RORA: variants seen among roughly 807,000 people sequenced by gnomAD.
The protein encoded by RORA is nuclear receptor ROR-alpha.
In RORA, 7 loss-of-function variants were observed where a neutral mutation model predicts 69.5. The ratio of observed to expected loss-of-function variants is 0.10; its 90% CI spans 0.06 to 0.19. The LOEUF (loss-of-function observed/expected upper bound fraction) is 0.19. Ranked by LOEUF, RORA falls within the 10% of genes least tolerant of loss-of-function variation. RORA has a pLI of 1.00. For synonymous variants in RORA, 261 were observed against 240.8 expected (o/e 1.08, Z -0.78); for missense variants, 457 against 663.0 (o/e 0.69, Z 3.41).
intron 1 of RORA, among the ~76,000 whole-genome samples, chr15:61,199,850 C>T (rs1044063979): frequency 6.6e-6 from 1 of 152,202 alleles, no homozygotes; most frequent in African/African-American, 2.4e-5. Flanking sequence ...ATTCCCCAGG[C>T]TTGTAAAACA....
rs2065040259 is a variant in RORA, at chr15:60,491,484, C to T, written c.*5971G>A. The T allele has an allele frequency of 6.6e-6, 1 of 152,086 alleles. No individual in the cohort carries two copies. Among genetic ancestry groups the T allele is most frequent in the African/African-American group, 2.4e-5 (1 of 41,418 alleles). The allele number at this position is 152,086 out of a possible 1,614,324, so 9.4% of individuals were successfully genotyped here. ...TCATATTCACTTTCTCAATATAAGA[C>T]TCCATGTTATGTTGCATCACTGACA... On this transcript the variant is annotated 3_prime_UTR_variant, in exon 11 of 11. Coordinates refer to ENST00000335670, the MANE Select transcript of RORA (RefSeq NM_134261.3).
At chr15:61,178,523 C>CT (rs1164506490) in intron 1 of RORA, among the ~76,000 whole-genome samples, 11 of 151,956 alleles carry the variant, frequency 7.2e-5, no homozygotes, top group African/African-American at 2.2e-4. Context: ...ACAGCCATTT[C>CT]TTTCAAGGAT....
intron 10 of RORA, 92 bp from the exon 11 acceptor site, chr15:60,497,711 T>A (rs1472477348): frequency 1.9e-6 from 2 of 1,070,318 alleles, no homozygotes; most frequent in African/African-American, 3.1e-5. Context: ...ACATTGTTTA[T>A]AATGGTGAAA....
chr15:60,929,784 G>A (rs1420747639), intron 1 of RORA, among the ~76,000 whole-genome samples: 3 of 152,098 alleles, frequency 2.0e-5, no homozygotes, highest in Non-Finnish European at 4.4e-5. Flanking sequence ...AGCCATCTGG[G>A]AGTGCTTGCT....
At chr15:61,086,611 T>C (rs4774387) in intron 1 of RORA, among the ~76,000 whole-genome samples, 23,409 of 152,026 alleles carry the variant, frequency 0.15, 2,496 homozygotes, top group African/African-American at 0.28. Flanking sequence ...AACTTAAAAT[T>C]TGATTTGGCC....
intron 1 of RORA, among the ~76,000 whole-genome samples, chr15:60,903,158 C>T (rs1891438289): frequency 6.6e-6 from 1 of 152,116 alleles, no homozygotes. Flanking sequence ...CAACCACAGG[C>T]TTGAAATTTA....
chr15:61,047,062 C>T (rs782947), intron 1 of RORA, among the ~76,000 whole-genome samples: 131,080 of 152,278 alleles, frequency 0.86, 56,630 homozygotes, highest in East Asian at 1. Context: ...AGCCGTTCCA[C>T]AGCCACCTCT....
intron 1 of RORA, among the ~76,000 whole-genome samples, chr15:60,812,949 G>A (rs1294155964): frequency 6.6e-6 from 1 of 152,194 alleles, no homozygotes; most frequent in Non-Finnish European, 1.5e-5. Flanking sequence ...CAAGGCAACG[G>A]GACTGTGCTG....
At chr15:60,590,170 C>CCTCTCTCTCTCTCT (rs1426237027) in intron 2 of RORA, among the ~76,000 whole-genome samples, 9 of 101,498 alleles carry the variant, frequency 8.9e-5, no homozygotes, top group African/African-American at 4.8e-4. Flanking sequence ...TCTCCCTCTT[C>CCTCTCTCTCTCTCT]CTCTATCTCT....
intron 1 of RORA, among the ~76,000 whole-genome samples, chr15:60,803,094 C>A (rs2072610599): frequency 6.6e-6 from 1 of 152,170 alleles, no homozygotes; most frequent in Non-Finnish European, 1.5e-5. Flanking sequence ...TTAAATATTT[C>A]TTTCTCTATT....
At chr15:60,701,109 C>T (rs1190254378) in intron 1 of RORA, among the ~76,000 whole-genome samples, 1 of 152,230 alleles carries the variant, frequency 6.6e-6, no homozygotes, top group Non-Finnish European at 1.5e-5. Context: ...ACTACTCCCA[C>T]CACGTACATT....
chr15:60,887,967 A>C (rs1215097384), intron 1 of RORA, among the ~76,000 whole-genome samples: 3 of 152,186 alleles, frequency 2.0e-5, no homozygotes, highest in African/African-American at 7.2e-5. Flanking sequence ...AATGAAGAAA[A>C]TCTAAAAATT....
At chr15:60,636,284 A>G (rs1385839192) in intron 2 of RORA, among the ~76,000 whole-genome samples, 3 of 152,224 alleles carry the variant, frequency 2.0e-5, no homozygotes, top group Admixed American at 2.0e-4. Context: ...AGAAAGAGGT[A>G]GGGATGTGAT....
At chr15:61,122,538 A>G (rs2079112911) in intron 1 of RORA, among the ~76,000 whole-genome samples, 1 of 152,218 alleles carries the variant, frequency 6.6e-6, no homozygotes, top group African/African-American at 2.4e-5. Flanking sequence ...TACATTTTAT[A>G]TATGGCTGTA....
chr15:61,177,177 T>C (rs1462269146), intron 1 of RORA, among the ~76,000 whole-genome samples: 1 of 152,234 alleles, frequency 6.6e-6, no homozygotes, highest in Non-Finnish European at 1.5e-5. Flanking sequence ...CCACAAATAA[T>C]GCTACTTCCA....
chr15:60,949,893 C>G (rs1893028967), intron 1 of RORA, among the ~76,000 whole-genome samples: 1 of 152,216 alleles, frequency 6.6e-6, no homozygotes, highest in Non-Finnish European at 1.5e-5. Context: ...GAAACTTTCA[C>G]AGTCATTTCC....
intron 1 of RORA, among the ~76,000 whole-genome samples, chr15:60,749,287 A>G (rs2071689778): frequency 6.6e-6 from 1 of 152,252 alleles, no homozygotes. Flanking sequence ...TTCTTCCAGT[A>G]AATTATTTCT....
At chr15:61,103,780 T>C (rs1203583699) in intron 1 of RORA, among the ~76,000 whole-genome samples, 2 of 152,098 alleles carry the variant, frequency 1.3e-5, no homozygotes, top group Non-Finnish European at 2.9e-5. Flanking sequence ...CATTTGCATG[T>C]AGGAAAGAGG....
intron 2 of RORA, among the ~76,000 whole-genome samples, chr15:60,620,393 A>G (rs1179769885): frequency 6.6e-6 from 1 of 152,212 alleles, no homozygotes; most frequent in Non-Finnish European, 1.5e-5. Context: ...CCTACTTCAT[A>G]GGCCGTCATG....
Sources: gnomAD v4.1 joint callset for allele counts (sites outside exome capture counted in the v4.1 genomes callset) on GRCh38, gnomAD v4.1.1 for gene constraint, MANE v1.5 for transcripts, NCBI Gene and HGNC (gene_info 2026-07-23, HGNC 2026-07-21) for gene names.